The following DUSP16 variants were observed in gnomAD, a reference collection of about 807,000 sequenced individuals.
DUSP16 encodes dual specificity protein phosphatase 16.
DUSP16 carries 21 observed loss-of-function variants against 58.3 expected under a neutral mutation model. That is an observed-to-expected ratio of 0.36 (90% CI 0.26 to 0.52). The LOEUF is 0.52. Among genes scored for constraint, DUSP16 ranks in the 20% least tolerant of loss-of-function variants. The pLI is 0.94. For synonymous variants in DUSP16, 320 were observed against 323.8 expected (o/e 0.99, Z 0.12); for missense variants, 726 against 819.0 (o/e 0.89, Z 1.39).
intron 3 of DUSP16, among the ~76,000 whole-genome samples, chr12:12,517,081 G>T (rs1358145900): frequency 6.6e-6 from 1 of 152,202 alleles, no homozygotes; most frequent in Non-Finnish European, 1.5e-5. Flanking sequence ...GAGTCCTCTT[G>T]TTCTCCTTAT....
At chr12:12,546,718 C>T (rs1224163079) in intron 1 of DUSP16, among the ~76,000 whole-genome samples, 1 of 152,134 alleles carries the variant, frequency 6.6e-6, no homozygotes, top group African/African-American at 2.4e-5. Flanking sequence ...TTACCCATTC[C>T]TATTTGGTTT....
Position 12,521,011 on chromosome 12 carries a change from C to A in DUSP16, c.88G>T (p.Asp30Tyr). 6.2e-7 allele frequency: 1 copy of A among 1,614,210 alleles called. No individual in the cohort carries two copies. The highest frequency in any genetic ancestry group is 8.5e-7 in the Non-Finnish European group (1 of 1,180,032). ...TTGTATTCCACAAATGGCCGGCTAT[C>A]AATTAGCAGCACTTTTTCCGTTCCA... ...ESGTEKVLLI[D>Y]SRPFVEYNTS... The change falls in exon 2 of 7, where the codon GAT (aspartate) becomes TAT (tyrosine). Residue 30 changes from aspartate to tyrosine, a missense_variant. Asp to Tyr is a radical substitution (Grantham distance 160). Transcript: ENST00000298573.
At chr12:12,511,585 G>A (rs1346154156) in intron 3 of DUSP16, among the ~76,000 whole-genome samples, 2 of 151,988 alleles carry the variant, frequency 1.3e-5, no homozygotes, top group Non-Finnish European at 2.9e-5. Context: ...AAATTCCACT[G>A]CCCTAATCAA....
In DUSP16 at chr12:12,473,350, G is replaced by C. The variant is rs79711342; in HGVS notation, c.*3483C>G. On this transcript the variant is annotated 3_prime_UTR_variant, in exon 7 of 7. Coordinates refer to ENST00000298573, the MANE Select transcript of DUSP16 (RefSeq NM_030640.3). ...CCTCCAACAATAGCCTGCTGAGGCT[G>C]GTCATGAAGGGGCTCCGAGCACTGT... 7.5e-3 allele frequency among the ~76,000 whole-genome samples: 1,138 copies of C among 152,286 alleles called. 11 individuals are homozygous for C. Among genetic ancestry groups the C allele is most frequent in the African/African-American group, 0.026 (1,066 of 41,556 alleles).
At chr12:12,487,264 TGTG>T in intron 4 of DUSP16, 77 bp from the exon 5 acceptor site, 2 of 1,492,350 alleles carry the variant, frequency 1.3e-6, no homozygotes, top group Non-Finnish European at 1.8e-6. Context: ...TGAAGTTTAA[TGTG>T]ATGATAAAAA....
chr12:12,528,478 G>A (rs990254502), intron 1 of DUSP16, among the ~76,000 whole-genome samples: 3 of 152,198 alleles, frequency 2.0e-5, no homozygotes, highest in African/African-American at 7.2e-5. Context: ...CTGGAGGCAG[G>A]AGAAGAAAGA....
At chr12:12,498,625 G>A (rs1438849109) in intron 4 of DUSP16, among the ~76,000 whole-genome samples, 2 of 151,938 alleles carry the variant, frequency 1.3e-5, no homozygotes, top group African/African-American at 2.4e-5. Flanking sequence ...ACGTTGTCCT[G>A]GCTGTTCTCA....
intron 1 of DUSP16, among the ~76,000 whole-genome samples, chr12:12,546,129 T>A (rs148727401): frequency 6.6e-6 from 1 of 152,344 alleles, no homozygotes; most frequent in Admixed American, 6.5e-5. Context: ...GAGTTATTTA[T>A]ACAATATTAT....
At chr12:12,560,660 G>A (rs1944885204) in intron 1 of DUSP16, 1 of 152,072 alleles carries the variant, frequency 6.6e-6, no homozygotes, top group Non-Finnish European at 1.5e-5. Context: ...TAGACTCCAC[G>A]AGCCTCCCAA....
At chr12:12,551,912 TTGATCTCCTGACCTCG>T (rs1250229021) in intron 1 of DUSP16, among the ~76,000 whole-genome samples, 1 of 152,082 alleles carries the variant, frequency 6.6e-6, no homozygotes, top group Non-Finnish European at 1.5e-5. Flanking sequence ...CAGGCTGGTC[TTGATCTCCTGACCTCG>T]TGATCCACCT....
rs187147207 is a variant in DUSP16, at chr12:12,496,018, A to C, written c.531+4501T>G. On this transcript the variant is annotated intron_variant, in intron 4 of 6. Coordinates refer to ENST00000298573, the MANE Select transcript of DUSP16 (RefSeq NM_030640.3). Reference sequence around the variant, plus strand: ...TTGTGGCGTGTAGGTAAAGAGACTGAGATGCAGTAACAGCTGAAGTGATAT... The same window carrying C: ...TTGTGGCGTGTAGGTAAAGAGACTGCGATGCAGTAACAGCTGAAGTGATAT... Among the ~76,000 whole-genome samples the C allele has an allele frequency of 1.4e-3, 215 of 152,298 alleles. 1 individual carries two copies. Among genetic ancestry groups the C allele is most frequent in the African/African-American group, 5.1e-3 (210 of 41,560 alleles).
At chr12:12,497,331 T>C (rs1943843337) in intron 4 of DUSP16, among the ~76,000 whole-genome samples, 1 of 152,208 alleles carries the variant, frequency 6.6e-6, no homozygotes. Context: ...AAATTCTCCA[T>C]TGTGACTCAA....
chr12:12,494,099 A>G (rs1943797030), intron 4 of DUSP16, among the ~76,000 whole-genome samples: 1 of 152,206 alleles, frequency 6.6e-6, no homozygotes, highest in African/African-American at 2.4e-5. Flanking sequence ...GTTTATTAGC[A>G]TCTTCTAATG....
At chr12:12,519,157 T>C (rs1944194123) in intron 3 of DUSP16, among the ~76,000 whole-genome samples, 1 of 152,222 alleles carries the variant, frequency 6.6e-6, no homozygotes, top group African/African-American at 2.4e-5. Flanking sequence ...AAAGGATGAA[T>C]AGCCTTCTTT....
intron 1 of DUSP16, among the ~76,000 whole-genome samples, chr12:12,550,099 C>G (rs780532841): frequency 2.0e-5 from 3 of 151,952 alleles, no homozygotes; most frequent in African/African-American, 7.3e-5. Flanking sequence ...ATGGTGAAAC[C>G]CTGTCTCTAC....
chr12:12,531,180 G>A (rs1944378710), intron 1 of DUSP16, among the ~76,000 whole-genome samples: 1 of 152,032 alleles, frequency 6.6e-6, no homozygotes, highest in Non-Finnish European at 1.5e-5. Flanking sequence ...AAGGGGAGAG[G>A]GGTTATAATT....
intron 1 of DUSP16, among the ~76,000 whole-genome samples, chr12:12,540,129 T>TA (rs1241788511): frequency 1.4e-5 from 2 of 138,118 alleles, no homozygotes; most frequent in Admixed American, 7.5e-5. Context: ...CGACTCTACT[T>TA]TAAAAAAAAA....
intron 3 of DUSP16, among the ~76,000 whole-genome samples, chr12:12,511,112 T>C (rs1161745844): frequency 6.6e-6 from 1 of 152,128 alleles, no homozygotes; most frequent in Non-Finnish European, 1.5e-5. Context: ...AAACACAAAA[T>C]AAAAATGTAA....
chr12:12,551,852 C>T (rs1944733321), intron 1 of DUSP16, among the ~76,000 whole-genome samples: 1 of 152,048 alleles, frequency 6.6e-6, no homozygotes, highest in Non-Finnish European at 1.5e-5. Flanking sequence ...ACTGCCATGC[C>T]TGGCTAATTT....
Sources: gnomAD v4.1 joint callset for allele counts (sites outside exome capture counted in the v4.1 genomes callset) on GRCh38, gnomAD v4.1.1 for gene constraint, MANE v1.5 for transcripts, NCBI Gene and HGNC (gene_info 2026-07-23, HGNC 2026-07-21) for gene names.